The following MCOLN2 variants were observed in gnomAD, a reference collection of about 807,000 sequenced individuals.
MCOLN2 encodes the protein mucolipin TRP cation channel 2, also known as mucolipin-2.
MCOLN2 carries 57 observed loss-of-function variants against 67.5 expected under a neutral mutation model. That is an observed-to-expected ratio of 0.84 (90% CI 0.68 to 1.05). MCOLN2 has a LOEUF of 1.05. Ranked by LOEUF, MCOLN2 falls within the 50% of genes least tolerant of loss-of-function variation. The pLI, the probability that MCOLN2 is intolerant of heterozygous loss-of-function variation, is 0.00. For missense variants in MCOLN2, 620 were observed against 678.8 expected (o/e 0.91, Z 0.96); for synonymous variants, 246 against 233.3 (o/e 1.05, Z -0.50).
intron 1 of MCOLN2, among the ~76,000 whole-genome samples, chr1:84,984,285 C>T (rs1318423228): frequency 6.6e-6 from 1 of 152,196 alleles, no homozygotes; most frequent in Non-Finnish European, 1.5e-5. Context: ...TAGTTTTCTG[C>T]ATACCAACTA....
intron 1 of MCOLN2, among the ~76,000 whole-genome samples, chr1:84,987,203 T>G (rs1014496672): frequency 2.7e-4 from 26 of 94,594 alleles, no homozygotes; most frequent in African/African-American, 8.3e-4. Flanking sequence ...TATCTATCTA[T>G]CTATCTATAT....
chr1:84,982,146 T>C lies in MCOLN2; in HGVS notation c.77+14650A>G, dbSNP rs146785373. Among the ~76,000 whole-genome samples, 1,309 of 151,654 alleles carry C rather than the reference T, an allele frequency of 8.6e-3. 23 individuals are homozygous for C. The highest frequency in any genetic ancestry group is 0.03 in the African/African-American group (1,253 of 41,346). On this transcript the variant is annotated intron_variant, in intron 1 of 13. Coordinates refer to ENST00000370608, the MANE Select transcript of MCOLN2 (RefSeq NM_153259.4). ...AGAAGCTGGGGTGGGGGGAAGCAGA[T>C]TTATCAAGAAAACAATTTAAAATAT...
chr1:84,947,238 A>G, intron 6 of MCOLN2, 106 bp from the exon 7 acceptor site: 1 of 677,852 alleles, frequency 1.5e-6, no homozygotes, highest in Non-Finnish European at 2.6e-6. Context: ...TGCTGATCCA[A>G]AGAGAATTAC....
In MCOLN2 at chr1:84,937,546, T is replaced by G. The variant is rs1647496542; in HGVS notation, c.1335+209A>C. 6.3e-6 allele frequency: 8 copies of G among 1,265,160 alleles called. No homozygotes were observed. The East Asian group carries it at 2.0e-4, about 32-fold the overall frequency. 78.4% of individuals were successfully genotyped at this position (1,265,160 alleles called of 1,614,324 possible). On this transcript the variant is annotated intron_variant, in intron 11 of 13. Coordinates refer to ENST00000370608, the MANE Select transcript of MCOLN2 (RefSeq NM_153259.4). ...CCAGACAACTATAATACATGCTTTCTAGTATTGTACAGTTCTTGTTTCAAT... is the reference window on the plus strand; with the variant it reads ...CCAGACAACTATAATACATGCTTTCGAGTATTGTACAGTTCTTGTTTCAAT...
intron 12 of MCOLN2, among the ~76,000 whole-genome samples, chr1:84,930,647 A>T (rs1661362958): frequency 6.6e-6 from 1 of 152,142 alleles, no homozygotes. Context: ...CACACTCAAA[A>T]GGTAGCGGAC....
intron 6 of MCOLN2, among the ~76,000 whole-genome samples, chr1:84,950,827 T>C (rs932283924): frequency 1.5e-4 from 23 of 152,176 alleles, no homozygotes; most frequent in Non-Finnish European, 3.2e-4. Flanking sequence ...TCTATACCTG[T>C]AAGTTATGAT....
intron 1 of MCOLN2, among the ~76,000 whole-genome samples, chr1:84,966,579 T>C (rs1649393203): frequency 6.6e-6 from 1 of 152,218 alleles, no homozygotes; most frequent in Admixed American, 6.5e-5. Context: ...AGAGAAGGAC[T>C]ATGACTCCTT....
intron 10 of MCOLN2, 38 bp downstream of exon 10, chr1:84,937,943 C>T: frequency 1.2e-6 from 2 of 1,613,166 alleles, no homozygotes; most frequent in Non-Finnish European, 8.5e-7. Flanking sequence ...ATAAATGAGT[C>T]TCAACTGCAG....
chr1:84,953,748 C>G (rs1365264813), intron 4 of MCOLN2, among the ~76,000 whole-genome samples: 1 of 152,094 alleles, frequency 6.6e-6, no homozygotes, highest in East Asian at 1.9e-4. Context: ...TTCCAAGAAC[C>G]TCACATAAAA....
At chr1:84,955,422 A>G (rs552780131) in intron 4 of MCOLN2, among the ~76,000 whole-genome samples, 1 of 152,300 alleles carries the variant, frequency 6.6e-6, no homozygotes, top group Non-Finnish European at 1.5e-5. Flanking sequence ...CTATGCATAG[A>G]TCCAAACAGG....
At chr1:84,935,203 G>A (rs1647354260) in intron 11 of MCOLN2, among the ~76,000 whole-genome samples, 1 of 152,216 alleles carries the variant, frequency 6.6e-6, no homozygotes, top group Non-Finnish European at 1.5e-5. Context: ...CAGATTCAAA[G>A]AGGCAGCAAT....
intron 1 of MCOLN2, among the ~76,000 whole-genome samples, chr1:84,990,297 C>CAAAAAAA (rs34226507): frequency 2.3e-4 from 8 of 34,990 alleles, no homozygotes; most frequent in Admixed American, 5.1e-4. Flanking sequence ...GACTCCATCT[C>CAAAAAAA]AAAAAAAAAA....
intron 8 of MCOLN2, 85 bp downstream of exon 8, chr1:84,940,794 G>C: frequency 1.3e-6 from 1 of 785,914 alleles, no homozygotes; most frequent in East Asian, 2.8e-5. Context: ...AAAAAAGGCA[G>C]GTGCACAATA....
At chr1:84,945,739 T>C (rs1401396365) in intron 7 of MCOLN2, among the ~76,000 whole-genome samples, 1 of 152,160 alleles carries the variant, frequency 6.6e-6, no homozygotes, top group African/African-American at 2.4e-5. Context: ...TTTATTTTAA[T>C]TTTTTTATTT....
chr1:84,981,182 G>A (rs1285306716), intron 1 of MCOLN2, among the ~76,000 whole-genome samples: 1 of 152,148 alleles, frequency 6.6e-6, no homozygotes, highest in Non-Finnish European at 1.5e-5. Context: ...GTTGAGAAAA[G>A]GGAACCCTCA....
At chr1:84,989,950 G>C (rs1444528561) in intron 1 of MCOLN2, among the ~76,000 whole-genome samples, 1 of 152,068 alleles carries the variant, frequency 6.6e-6, no homozygotes, top group Non-Finnish European at 1.5e-5. Context: ...ACTATTAAAA[G>C]AAATGTAAAT....
intron 1 of MCOLN2, among the ~76,000 whole-genome samples, chr1:84,976,828 A>C (rs780568220): frequency 3.3e-5 from 5 of 152,206 alleles, no homozygotes; most frequent in Non-Finnish European, 7.3e-5. Flanking sequence ...GACCTGTCCT[A>C]CAAAAAATGC....
chr1:84,961,611 A>G (rs1391688390), intron 2 of MCOLN2, among the ~76,000 whole-genome samples: 1 of 152,212 alleles, frequency 6.6e-6, no homozygotes, highest in African/African-American at 2.4e-5. Flanking sequence ...TTGTTATGAC[A>G]GAACCAAACA....
At chr1:84,928,402 C>T (rs902344947) in intron 13 of MCOLN2, among the ~76,000 whole-genome samples, 10 of 152,308 alleles carry the variant, frequency 6.6e-5, no homozygotes, top group Middle Eastern at 3.4e-3. Flanking sequence ...GGGGTCCACG[C>T]CTTAAATCTT....
Sources: gnomAD v4.1 joint callset for allele counts (sites outside exome capture counted in the v4.1 genomes callset) on GRCh38, gnomAD v4.1.1 for gene constraint, MANE v1.5 for transcripts, NCBI Gene and HGNC (gene_info 2026-07-23, HGNC 2026-07-21) for gene names.